Variants in WDPCP observed in about 807,000 individuals in gnomAD.
WDPCP encodes the protein WD repeat containing planar cell polarity effector, also known as WD repeat-containing and planar cell polarity effector protein fritz homolog.
Under a neutral mutation model 93.1 loss-of-function variants are expected in WDPCP, and 71 were observed. The ratio of observed to expected loss-of-function variants is 0.76; its 90% CI spans 0.63 to 0.93. WDPCP has a LOEUF of 0.93. Ranked by LOEUF, WDPCP falls within the 40% of genes least tolerant of loss-of-function variation. WDPCP has a pLI of 0.00. For synonymous variants in WDPCP, 315 were observed against 315.0 expected, an observed-to-expected ratio of 1.00 and a Z score of 0.00; for missense variants, 844 against 887.4, an observed-to-expected ratio of 0.95 and a Z score of 0.62.
intron 1 of WDPCP, among the ~76,000 whole-genome samples, chr2:63,509,814 T>C (rs1374448471): frequency 6.6e-6 from 1 of 152,038 alleles, no homozygotes; most frequent in African/African-American, 2.4e-5. Flanking sequence ...TCTACACAAA[T>C]AAACTAGAAA....
intron 2 of WDPCP, among the ~76,000 whole-genome samples, chr2:63,811,918 G>C (rs961717028): frequency 6.6e-6 from 1 of 152,084 alleles, no homozygotes; most frequent in African/African-American, 2.4e-5. Flanking sequence ...GGCTGGAGTA[G>C]AGTGGCATAA....
intron 15 of WDPCP, among the ~76,000 whole-genome samples, chr2:63,158,356 C>G (rs1672407391): frequency 6.6e-6 from 1 of 152,046 alleles, no homozygotes; most frequent in Non-Finnish European, 1.5e-5. Flanking sequence ...TTTGTCTGTT[C>G]CCATTGTGAT....
intron 2 of WDPCP, among the ~76,000 whole-genome samples, chr2:63,789,875 A>G (rs1670520959): frequency 1.3e-5 from 2 of 152,202 alleles, no homozygotes; most frequent in African/African-American, 4.8e-5. Context: ...AAGTCCCAAG[A>G]TATCAGTATT....
intron 13 of WDPCP, among the ~76,000 whole-genome samples, chr2:63,296,872 G>C (rs1370630940): frequency 6.6e-6 from 1 of 152,106 alleles, no homozygotes; most frequent in Non-Finnish European, 1.5e-5. Flanking sequence ...ACAGCCCAAA[G>C]CAATCTACAG....
Position 63,732,204 on chromosome 2 carries a change from T to C in WDPCP, n.309-81366A>G, listed in dbSNP as rs143660355. On this transcript the variant is annotated intron_variant and non_coding_transcript_variant, in intron 2 of 4. Coordinates refer to the WDPCP transcript ENST00000467687. The stretch of plus-strand genomic sequence containing the variant: ...TAGCTTTCAAGGCATCATTTGTGCA[T>C]TTAAGACATATAAAGAATGAGCAAC... Among the ~76,000 whole-genome samples, 12 of 152,332 alleles carry C rather than the reference T, an allele frequency of 7.9e-5. No homozygotes were observed. In the East Asian group the frequency reaches 2.3e-3, roughly 29 times the overall value.
intron 3 of WDPCP, among the ~76,000 whole-genome samples, chr2:63,613,870 T>C (rs1709645037): frequency 1.3e-5 from 2 of 152,144 alleles, no homozygotes; most frequent in Non-Finnish European, 2.9e-5. Flanking sequence ...TCAAAAGAAA[T>C]GCAATTGTCT....
At chr2:63,735,552 AT>A (rs1669625710) in intron 2 of WDPCP, among the ~76,000 whole-genome samples, 1 of 152,196 alleles carries the variant, frequency 6.6e-6, no homozygotes. Flanking sequence ...ACAGAGAGCT[AT>A]TAAGGTTTTT....
At chr2:63,276,930 G>C (rs1414837408) in intron 13 of WDPCP, among the ~76,000 whole-genome samples, 2 of 152,140 alleles carry the variant, frequency 1.3e-5, no homozygotes, top group East Asian at 3.8e-4. Context: ...TAGTCATCAA[G>C]TTATCTAAAG....
At chr2:63,251,859 AAAG>A (rs1467789118) in intron 14 of WDPCP, among the ~76,000 whole-genome samples, 6 of 151,994 alleles carry the variant, frequency 3.9e-5, no homozygotes, top group African/African-American at 1.4e-4. Context: ...CTAGATGTAT[AAAG>A]AAGAACTTGT....
At chr2:63,479,286 T>C (rs1700137385) in intron 6 of WDPCP, among the ~76,000 whole-genome samples, 1 of 152,054 alleles carries the variant, frequency 6.6e-6, no homozygotes, top group African/African-American at 2.4e-5. Context: ...ATCAATCCTA[T>C]TGACACTATT....
intron 13 of WDPCP, among the ~76,000 whole-genome samples, chr2:63,301,973 A>G (rs116773256): frequency 0.015 from 2,269 of 152,242 alleles, 62 homozygotes; most frequent in African/African-American, 0.052. Flanking sequence ...TACAAAATCA[A>G]CCTAGTGCTT....
intron 13 of WDPCP, among the ~76,000 whole-genome samples, chr2:63,268,349 A>G (rs550213936): frequency 3.3e-5 from 5 of 152,350 alleles, no homozygotes; most frequent in African/African-American, 1.2e-4. Context: ...GATGCTGATC[A>G]AAACATACAA....
intron 11 of WDPCP, among the ~76,000 whole-genome samples, chr2:63,379,784 A>G (rs958816310): frequency 6.6e-6 from 1 of 152,176 alleles, no homozygotes; most frequent in African/African-American, 2.4e-5. Flanking sequence ...ACCACGTCAA[A>G]TTTGTTAGAT....
intron 2 of WDPCP, among the ~76,000 whole-genome samples, chr2:63,794,809 A>G (rs1485177480): frequency 6.6e-6 from 1 of 152,170 alleles, no homozygotes; most frequent in Non-Finnish European, 1.5e-5. Flanking sequence ...TTTGCTTCCA[A>G]TCAGGTGCAC....
chr2:63,725,160 C>T (rs1669479683), intron 2 of WDPCP, among the ~76,000 whole-genome samples: 1 of 152,074 alleles, frequency 6.6e-6, no homozygotes, highest in Admixed American at 6.5e-5. Flanking sequence ...GTAATGAGCA[C>T]AGTACTCGAT....
intron 9 of WDPCP, among the ~76,000 whole-genome samples, chr2:63,425,173 C>T (rs1488617194): frequency 2.0e-5 from 3 of 152,166 alleles, no homozygotes; most frequent in Non-Finnish European, 2.9e-5. Context: ...TGACTATACT[C>T]AACTTGAACC....
intron 2 of WDPCP, among the ~76,000 whole-genome samples, chr2:63,744,820 C>T (rs1669771667): frequency 6.6e-6 from 1 of 151,984 alleles, no homozygotes; most frequent in African/African-American, 2.4e-5. Flanking sequence ...TTTCCCCTAC[C>T]CACCCCACCT....
chr2:63,599,258 T>C, intron 3 of WDPCP: 1 of 1,613,810 alleles, frequency 6.2e-7, no homozygotes, highest in Non-Finnish European at 8.5e-7. Flanking sequence ...TTCAGTTGCT[T>C]GACTCGTTTG....
At chr2:63,518,097 A>G (rs1320938127) in intron 1 of WDPCP, 1 of 152,374 alleles carries the variant, frequency 6.6e-6, no homozygotes, top group Admixed American at 6.5e-5. Context: ...CACGTTGGCC[A>G]GGCTGGTCTC....
Sources: allele counts gnomAD v4.1 joint callset (sites outside exome capture counted in the v4.1 genomes callset), GRCh38; gene constraint gnomAD v4.1.1; transcripts MANE v1.5; gene names NCBI Gene and HGNC (gene_info 2026-07-23, HGNC 2026-07-21).